Variants in SOBP observed in about 807,000 individuals in gnomAD.
The protein encoded by SOBP is sine oculis-binding protein homolog.
In SOBP, 4 loss-of-function variants were observed where a neutral mutation model predicts 53.6. The ratio of observed to expected loss-of-function variants is 0.07; its 90% CI spans 0.04 to 0.17. The LOEUF (loss-of-function observed/expected upper bound fraction) is 0.17, where lower values mean the gene tolerates loss of function less well. Among genes scored for constraint, SOBP ranks in the 10% least tolerant of loss-of-function variants. SOBP has a pLI of 1.00. For missense variants in SOBP, 1,088 were observed against 1,204.7 expected, an observed-to-expected ratio of 0.90 and a Z score of 1.43; for synonymous variants, 584 against 522.6, an observed-to-expected ratio of 1.12 and a Z score of -1.60.
rs377433781 is a variant in SOBP at position 107,613,848 on chromosome 6, G to A, written c.670-19666G>A. ...TTCAGAGATATTTGGGTTTTTAACA[G>A]GGGACTCCTGGATATATCATATTTT... On this transcript the variant is annotated intron_variant, in intron 5 of 6. Coordinates refer to ENST00000317357, the MANE Select transcript of SOBP (RefSeq NM_018013.4). 2.0e-5 allele frequency among the ~76,000 whole-genome samples: 3 copies of A among 152,188 alleles called. No homozygotes were observed. The East Asian group carries it at 5.8e-4, about 29-fold the overall frequency.
At chr6:107,649,179 A>C (rs1324611261) in intron 6 of SOBP, among the ~76,000 whole-genome samples, 1 of 150,014 alleles carries the variant, frequency 6.7e-6, no homozygotes, top group Non-Finnish European at 1.5e-5. Flanking sequence ...AAAAAAAAAA[A>C]AAAAAAAAAA....
chr6:107,618,329 T>G (rs969951713), intron 5 of SOBP, among the ~76,000 whole-genome samples: 5 of 152,196 alleles, frequency 3.3e-5, no homozygotes, highest in African/African-American at 1.2e-4. Flanking sequence ...CCATGAAGTA[T>G]TTGTCTGGTT....
intron 6 of SOBP, among the ~76,000 whole-genome samples, chr6:107,639,211 T>C (rs963558829): frequency 1.3e-5 from 2 of 152,240 alleles, no homozygotes; most frequent in African/African-American, 4.8e-5. Context: ...TCTGTAGTAC[T>C]GTTTAAAAAA....
intron 5 of SOBP, among the ~76,000 whole-genome samples, chr6:107,618,335 T>C (rs1365249051): frequency 6.6e-6 from 1 of 152,236 alleles, no homozygotes; most frequent in East Asian, 1.9e-4. Flanking sequence ...AGTATTTGTC[T>C]GGTTAGAAGA....
In SOBP at chr6:107,634,498, C is replaced by T. The variant is rs1056456009; in HGVS notation, c.1654C>T (p.Pro552Ser). 1.2e-6 allele frequency: 2 copies of T among 1,611,682 alleles called. No homozygotes were observed. Among genetic ancestry groups the T allele is most frequent in the African/African-American group, 1.3e-5 (1 of 74,906 alleles). Residue 552 changes from proline to serine, a missense_variant, in exon 6 of 7, where the codon CCC becomes TCC. Coordinates refer to ENST00000317357, the MANE Select transcript of SOBP (RefSeq NM_018013.4). The surrounding 1 kb of genome is among the most constrained non-coding windows in gnomAD (Gnocchi z 4.5). The part of the protein sequence containing the change: ...PIPHVSDSKP[P>S]NGFSSNGENF... ...CCCTCACGTCAGCGACTCCAAGCCCCCCAACGGGTTCTCCAGCAACGGGGA... is the reference window on the plus strand; with the variant it reads ...CCCTCACGTCAGCGACTCCAAGCCCTCCAACGGGTTCTCCAGCAACGGGGA...
chr6:107,551,875 G>C (rs1386674434), intron 4 of SOBP, among the ~76,000 whole-genome samples: 2 of 152,094 alleles, frequency 1.3e-5, no homozygotes, highest in Non-Finnish European at 2.9e-5. Flanking sequence ...ACAAAAATTA[G>C]CTGGGCATGG....
At chr6:107,533,841 T>A (rs900723247) in intron 4 of SOBP, among the ~76,000 whole-genome samples, 3 of 152,346 alleles carry the variant, frequency 2.0e-5, no homozygotes, top group South Asian at 4.1e-4. Context: ...TGAATGAATC[T>A]GATGAGGACA....
chr6:107,583,593 A>G (rs1406805911), intron 4 of SOBP, among the ~76,000 whole-genome samples: 2 of 152,088 alleles, frequency 1.3e-5, no homozygotes, highest in African/African-American at 2.4e-5. Context: ...TGGCGCGATC[A>G]TAGCTCAACA....
At position 107,634,780 on chromosome 6, in the gene SOBP, C is replaced by T. The variant is rs1770928510; in HGVS notation, c.1936C>T (p.Leu646=). 2 of 1,391,768 alleles carry T rather than the reference C, an allele frequency of 1.4e-6. No individual in the cohort carries two copies. Among genetic ancestry groups the T allele is most frequent in the East Asian group, 3.3e-5 (1 of 30,404 alleles). 86.2% of individuals were successfully genotyped at this position (1,391,768 alleles called of 1,614,324 possible). Residue 646 remains leucine, a synonymous_variant, in exon 6 of 7, where the codon CTG becomes TTG. Coordinates refer to ENST00000317357, the MANE Select transcript of SOBP (RefSeq NM_018013.4). This position sits in a 1 kb window ranked among gnomAD's most constrained non-coding sequence, Gnocchi z 4.5. ...AGGQLGFPGV[L]QGPQDGVIDL... is the part of the protein sequence containing the mutation. ...CGGCCAGCTCGGCTTCCCAGGCGTG[C>T]TGCAGGGCCCGCAGGACGGCGTCAT...
At position 107,490,470 on chromosome 6, in the gene SOBP, C is replaced by G. The variant is rs986033638; in HGVS notation, c.-147C>G. 3.1e-5 allele frequency: 19 copies of G among 613,406 alleles called. No homozygotes were observed. Among genetic ancestry groups the G allele is most frequent in the Middle Eastern group, 4.4e-4 (1 of 2,294 alleles). 38.0% of individuals were successfully genotyped at this position (613,406 alleles called of 1,614,324 possible). ...CCGCTTCTCGGCGCCTGCCCTCCCC[C>G]TCGCGGCTCGGTCCGGCCCCGCCAG... is the stretch of plus-strand genomic sequence containing the variant. On this transcript the variant is annotated 5_prime_UTR_variant, in exon 1 of 7. Transcript: ENST00000317357.
At chr6:107,536,478 T>C (rs1583185514) in intron 4 of SOBP, among the ~76,000 whole-genome samples, 1 of 152,286 alleles carries the variant, frequency 6.6e-6, no homozygotes, top group Non-Finnish European at 1.5e-5. Flanking sequence ...CTCAAAATGA[T>C]GGCCCACTGA....
chr6:107,550,730 C>A (rs561093269), intron 4 of SOBP, among the ~76,000 whole-genome samples: 1 of 152,064 alleles, frequency 6.6e-6, no homozygotes, highest in Non-Finnish European at 1.5e-5. Flanking sequence ...GAAAAAAGGA[C>A]GGTGAGGCTC....
chr6:107,606,070 C>CTTTTT (rs11298151), intron 5 of SOBP, among the ~76,000 whole-genome samples: 2 of 62,900 alleles, frequency 3.2e-5, no homozygotes, highest in African/African-American at 5.5e-5. Context: ...AGATAGGCTC[C>CTTTTT]TTTTTTTTTT....
intron 5 of SOBP, among the ~76,000 whole-genome samples, chr6:107,599,545 A>T (rs559617075): frequency 6.6e-6 from 1 of 151,584 alleles, no homozygotes; most frequent in Admixed American, 6.6e-5. Flanking sequence ...ATCAAAAAAA[A>T]CATTTTATTT....
chr6:107,640,439 G>C (rs1426583015), intron 6 of SOBP, among the ~76,000 whole-genome samples: 1 of 152,164 alleles, frequency 6.6e-6, no homozygotes, highest in Non-Finnish European at 1.5e-5. Flanking sequence ...TTGTCTGTTG[G>C]GATGCAGTTG....
At chr6:107,533,344 C>T in intron 3 of SOBP, 115 bp from the exon 4 acceptor site, 1 of 872,848 alleles carries the variant, frequency 1.1e-6, no homozygotes, top group South Asian at 1.5e-5. Flanking sequence ...CACTTCTTCT[C>T]CAAGGTCCAG....
intron 6 of SOBP, among the ~76,000 whole-genome samples, chr6:107,640,319 A>G (rs1034814916): frequency 5.9e-5 from 9 of 152,268 alleles, no homozygotes; most frequent in African/African-American, 1.9e-4. Flanking sequence ...AAAGGAAATC[A>G]GTATGAATGG....
intron 1 of SOBP, among the ~76,000 whole-genome samples, chr6:107,499,316 A>G (rs1475472465): frequency 6.6e-6 from 1 of 152,238 alleles, no homozygotes; most frequent in Non-Finnish European, 1.5e-5. Context: ...GATGTCATAT[A>G]GGTTCACCAA....
intron 6 of SOBP, among the ~76,000 whole-genome samples, chr6:107,648,946 G>A (rs1771678037): frequency 6.6e-6 from 1 of 152,102 alleles, no homozygotes; most frequent in Admixed American, 6.6e-5. Flanking sequence ...GCTCATGCCT[G>A]TAATCTCAGG....
Sources: allele counts gnomAD v4.1 joint callset (sites outside exome capture counted in the v4.1 genomes callset), GRCh38; gene constraint gnomAD v4.1.1; non-coding constraint Gnocchi (gnomAD v3.1); transcripts MANE v1.5; gene names NCBI Gene and HGNC (gene_info 2026-07-23, HGNC 2026-07-21).